SAMSN1: variants seen among roughly 807,000 people sequenced by gnomAD.
The protein encoded by SAMSN1 is SAM domain, SH3 domain and nuclear localization signals 1, also known as SAM domain-containing protein SAMSN-1.
A neutral mutation model predicts 42.0 loss-of-function variants in SAMSN1; 31 were observed. The observed-to-expected ratio is 0.74, with a 90% CI of 0.55 to 1.00. SAMSN1 has a LOEUF of 1.00. SAMSN1 is among the 50% of genes least tolerant of loss of function. The pLI, the probability that SAMSN1 is intolerant of heterozygous loss-of-function variation, is 0.00. For synonymous variants in SAMSN1, 178 were observed against 151.9 expected (o/e 1.17, Z -1.26); for missense variants, 464 against 439.4 (o/e 1.06, Z -0.50).
chr21:14,581,602 T>A (rs1031097643), intron 2 of SAMSN1, among the ~76,000 whole-genome samples: 1 of 151,446 alleles, frequency 6.6e-6, no homozygotes, highest in Non-Finnish European at 1.5e-5. Flanking sequence ...CTCATGATCC[T>A]CCCGCCTCGG....
intron 4 of SAMSN1, among the ~76,000 whole-genome samples, chr21:14,611,905 A>G (rs574805941): frequency 6.6e-6 from 1 of 152,256 alleles, no homozygotes; most frequent in Admixed American, 6.5e-5. Flanking sequence ...AAGGAAAGGG[A>G]AAAGGGTACC....
At chr21:14,565,122 C>T (rs1439140933) in intron 2 of SAMSN1, among the ~76,000 whole-genome samples, 1 of 151,762 alleles carries the variant, frequency 6.6e-6, no homozygotes, top group Non-Finnish European at 1.5e-5. Context: ...TGGTGAAACC[C>T]CATCTCTACT....
chr21:14,506,507 C>G (rs577737388), intron 5 of SAMSN1, among the ~76,000 whole-genome samples: 94 of 152,038 alleles, frequency 6.2e-4, no homozygotes, highest in African/African-American at 2.1e-3. Flanking sequence ...AAATTAGATA[C>G]CCGGAATAGA....
chr21:14,573,824 C>T lies in SAMSN1; in HGVS notation c.261+8312G>A, dbSNP rs1237839397. Among the ~76,000 whole-genome samples the T allele has an allele frequency of 3.3e-5, 5 of 152,168 alleles. No individual in the cohort carries two copies. The South Asian group carries it at 8.3e-4, about 25-fold the overall frequency. ...GGCAATTTGATCCAAAGAGATCCTA[C>T]TATGACAGAGCTAAGCTCATAGCTG... On this transcript the variant is annotated intron_variant, in intron 2 of 8. Coordinates refer to the SAMSN1 transcript ENST00000285670.
At chr21:14,521,613 A>G (rs1302456948) in intron 1 of SAMSN1, among the ~76,000 whole-genome samples, 1 of 152,162 alleles carries the variant, frequency 6.6e-6, no homozygotes, top group Non-Finnish European at 1.5e-5. Context: ...CCAACAAACA[A>G]ATAACAACAA....
intron 1 of SAMSN1, among the ~76,000 whole-genome samples, chr21:14,535,846 C>A (rs1979576075): frequency 1.3e-5 from 2 of 152,200 alleles, no homozygotes; most frequent in Admixed American, 6.5e-5. Context: ...GGGTTTCCAA[C>A]CTCCAGAAGT....
chr21:14,650,138 A>G (rs1004401465), intron 1 of SAMSN1, among the ~76,000 whole-genome samples: 13 of 152,138 alleles, frequency 8.5e-5, no homozygotes, highest in Non-Finnish European at 1.8e-4. Context: ...GATCTTCCAG[A>G]CAGAAAATCA....
chr21:14,539,430 G>A (rs1979853687), intron 1 of SAMSN1, among the ~76,000 whole-genome samples: 1 of 152,100 alleles, frequency 6.6e-6, no homozygotes, highest in African/African-American at 2.4e-5. Flanking sequence ...AAGCTGATAG[G>A]CAACTTCAGT....
At chr21:14,658,506 A>G (rs1226918080) in intron 1 of SAMSN1, among the ~76,000 whole-genome samples, 4 of 151,966 alleles carry the variant, frequency 2.6e-5, no homozygotes, top group African/African-American at 7.2e-5. Context: ...AAAATTCAAC[A>G]TCAAAATGAT....
intron 1 of SAMSN1, among the ~76,000 whole-genome samples, chr21:14,657,104 C>G (rs369111173): frequency 9.9e-5 from 15 of 151,896 alleles, no homozygotes; most frequent in African/African-American, 3.6e-4. Flanking sequence ...TAGGGTGTCA[C>G]AACACTGTGG....
At position 14,517,015 on chromosome 21, in the gene SAMSN1, T is replaced by G; in HGVS notation, c.156A>C (p.Gly52=). 1 of 1,613,088 alleles carries G rather than the reference T, an allele frequency of 6.2e-7. No individual in the cohort carries two copies. Residue 52 remains glycine (G), a synonymous_variant, in exon 3 of 8, where the codon GGA becomes GGC. Coordinates refer to ENST00000400566, the MANE Select transcript of SAMSN1 (RefSeq NM_022136.5). ...TTGAAGTTTTACTTTGTTCTCCACT[T>G]CCATTTGTGGGATCTCCTTCATGTG... ...TEAHEGDPTN[G]SGEQSKTSNN... is the part of the protein sequence containing the mutation.
chr21:14,624,710 T>C (rs1983115579), intron 2 of SAMSN1, among the ~76,000 whole-genome samples: 2 of 152,276 alleles, frequency 1.3e-5, no homozygotes, highest in Admixed American at 1.3e-4. Context: ...AAGGAGGAGC[T>C]GGTACCATTC....
chr21:14,632,991 C>G (rs537692018), intron 2 of SAMSN1, among the ~76,000 whole-genome samples: 1 of 152,236 alleles, frequency 6.6e-6, no homozygotes, highest in Admixed American at 6.5e-5. Context: ...TCTTTTGTAC[C>G]CTAATCACAA....
rs775139105 is a variant in SAMSN1, at chr21:14,510,269, T to C, written c.561+41A>G. 3 of 1,597,732 alleles carry C rather than the reference T, an allele frequency of 1.9e-6. No individual in the cohort carries two copies. The South Asian group carries it at 3.3e-5, about 18-fold the overall frequency. On this transcript the variant is annotated intron_variant, in intron 5 of 7. Coordinates refer to ENST00000400566, the MANE Select transcript of SAMSN1 (RefSeq NM_022136.5). Reference sequence around the variant, plus strand: ...CTGAAACAGATCATATAATCAGCATTTGACAGACCATTCAGAAGGTGGGAT... The same window carrying C: ...CTGAAACAGATCATATAATCAGCATCTGACAGACCATTCAGAAGGTGGGAT...
rs1403090123 is a variant in SAMSN1, at chr21:14,521,163, T to A, written c.116A>T (p.Asp39Val). Residue 39 changes from aspartate to valine, a missense_variant, in exon 2 of 8, where the codon GAT becomes GTT. Coordinates refer to ENST00000400566, the MANE Select transcript of SAMSN1 (RefSeq NM_022136.5). ...TAAACTACGAACCTCAGTTGAATCA[T>A]CTGGTTTTGATAAAGAATTATTCCG... ...RFRNNSLSKP[D>V]DSTEAHEGDP... 1 of 1,607,890 alleles carries A rather than the reference T, an allele frequency of 6.2e-7. No homozygotes were observed. The highest frequency in any genetic ancestry group is 1.7e-5 in the Admixed American group (1 of 59,728).
chr21:14,588,576 CCACTAAG>C (rs1981993460), intron 7 of SAMSN1, among the ~76,000 whole-genome samples: 1 of 152,082 alleles, frequency 6.6e-6, no homozygotes, highest in African/African-American at 2.4e-5. Context: ...TGTCCTTTGC[CCACTAAG>C]CACAGTCAGA....
chr21:14,556,222 A>G (rs562164919), intron 2 of SAMSN1, among the ~76,000 whole-genome samples: 18 of 152,216 alleles, frequency 1.2e-4, no homozygotes, highest in Non-Finnish European at 1.5e-5. Context: ...TTGAAACTAC[A>G]TCAAAGTTGT....
chr21:14,530,316 C>CAAAAA (rs71183428), intron 1 of SAMSN1, among the ~76,000 whole-genome samples: 31 of 74,560 alleles, frequency 4.2e-4, no homozygotes, highest in Admixed American at 7.6e-4. Flanking sequence ...GACTCCGTCT[C>CAAAAA]AAAAAAAAAA....
At chr21:14,656,446 G>A (rs1261429946) in intron 1 of SAMSN1, among the ~76,000 whole-genome samples, 1 of 151,800 alleles carries the variant, frequency 6.6e-6, no homozygotes, top group Non-Finnish European at 1.5e-5. Context: ...AGGAGTAATT[G>A]ATTTGTAACC....
Sources: gnomAD v4.1 joint callset for allele counts (sites outside exome capture counted in the v4.1 genomes callset) on GRCh38, gnomAD v4.1.1 for gene constraint, MANE v1.5 for transcripts, NCBI Gene and HGNC (gene_info 2026-07-23, HGNC 2026-07-21) for gene names.